SOX6: variants seen among roughly 807,000 people sequenced by gnomAD.
The protein encoded by SOX6 is SRY-box transcription factor 6.
SOX6 carries 11 observed loss-of-function variants against 97.8 expected under a neutral mutation model. That is an observed-to-expected ratio of 0.11 (90% CI 0.07 to 0.19). The LOEUF is 0.19. Among genes scored for constraint, SOX6 ranks in the 10% least tolerant of loss-of-function variants. The probability of loss-of-function intolerance (pLI) is 1.00; values close to 1 mark genes in which losing one functional copy is unlikely to be tolerated. For synonymous variants in SOX6, 360 were observed against 371.4 expected (o/e 0.97, Z 0.35); for missense variants, 810 against 1,039.5 (o/e 0.78, Z 3.04).
At chr11:16,410,207 C>T (rs1858775837) in intron 1 of SOX6, among the ~76,000 whole-genome samples, 1 of 152,006 alleles carries the variant, frequency 6.6e-6, no homozygotes, top group South Asian at 2.1e-4. Flanking sequence ...TACCCAAAAA[C>T]TAAATAAAGA....
chr11:16,408,558 C>G (rs2133052831), intron 1 of SOX6: 1 of 152,300 alleles, frequency 6.6e-6, no homozygotes, highest in Non-Finnish European at 1.5e-5. Context: ...AGTAAGCATA[C>G]TCTCTTAAAT....
chr11:15,978,680 G>A lies in SOX6; in HGVS notation c.2184-5568C>T, dbSNP rs1002654309. ...TAAATATTATCTATATGCTGACAAC[G>A]TCCCAATTTATATCTCCAGTAAGCC... On this transcript the variant is annotated intron_variant, in intron 15 of 15. Transcript: ENST00000683767. Among the ~76,000 whole-genome samples, 5 of 148,940 alleles carry A rather than the reference G, an allele frequency of 3.4e-5. 1 individual carries two copies. Among genetic ancestry groups the A allele is most frequent in the Admixed American group, 2.7e-4 (4 of 14,872 alleles).
At chr11:16,738,062 T>G (rs986165349) in intron 1 of SOX6, among the ~76,000 whole-genome samples, 7 of 151,962 alleles carry the variant, frequency 4.6e-5, no homozygotes, top group African/African-American at 1.7e-4. Context: ...TTCCCTCAGC[T>G]AAATCCCCGT....
At chr11:16,685,377 T>G (rs1049600512) in intron 3 of SOX6, among the ~76,000 whole-genome samples, 1 of 152,196 alleles carries the variant, frequency 6.6e-6, no homozygotes, top group East Asian at 1.9e-4. Flanking sequence ...ATACAAGTTA[T>G]TTACTACTAA....
At chr11:16,308,578 A>T (rs1414740541) in intron 3 of SOX6, among the ~76,000 whole-genome samples, 1 of 152,208 alleles carries the variant, frequency 6.6e-6, no homozygotes, top group Non-Finnish European at 1.5e-5. Context: ...CTGTTTGGCC[A>T]GAAAAATGTC....
intron 4 of SOX6, among the ~76,000 whole-genome samples, chr11:16,578,175 T>A (rs1848000620): frequency 6.6e-6 from 1 of 152,178 alleles, no homozygotes; most frequent in Admixed American, 6.6e-5. Context: ...AAAAGACTAT[T>A]ATTTTCCCAT....
chr11:16,631,170 T>C (rs1453295699), intron 3 of SOX6, among the ~76,000 whole-genome samples: 3 of 151,518 alleles, frequency 2.0e-5, no homozygotes, highest in Non-Finnish European at 4.4e-5. Context: ...GTGGTTGCTT[T>C]ATAAGGTCTT....
chr11:16,165,991 T>C (rs1184199776), intron 6 of SOX6, among the ~76,000 whole-genome samples: 1 of 152,112 alleles, frequency 6.6e-6, no homozygotes, highest in East Asian at 1.9e-4. Context: ...ATATAATAAG[T>C]ACTCAATATT....
chr11:16,616,716 T>C (rs1302388452), intron 3 of SOX6, among the ~76,000 whole-genome samples: 1 of 151,946 alleles, frequency 6.6e-6, no homozygotes, highest in Non-Finnish European at 1.5e-5. Context: ...TGTTCAATAT[T>C]TGATAATTCC....
chr11:16,504,529 A>C (rs1254089143), intron 4 of SOX6, among the ~76,000 whole-genome samples: 1 of 151,916 alleles, frequency 6.6e-6, no homozygotes, highest in Non-Finnish European at 1.5e-5. Context: ...TTAATCAAGG[A>C]TAAAGACCTC....
intron 3 of SOX6, among the ~76,000 whole-genome samples, chr11:16,673,531 C>A (rs752761862): frequency 5.3e-5 from 8 of 151,916 alleles, no homozygotes; most frequent in Non-Finnish European, 1.2e-4. Context: ...TTCCTAGACA[C>A]ATAAAACCTA....
chr11:16,190,642 G>A (rs1851604959), intron 4 of SOX6, among the ~76,000 whole-genome samples: 1 of 152,118 alleles, frequency 6.6e-6, no homozygotes, highest in Non-Finnish European at 1.5e-5. Flanking sequence ...AATGAAGTTG[G>A]AGTGAAGCAT....
intron 3 of SOX6, among the ~76,000 whole-genome samples, chr11:16,298,562 G>C (rs545976324): frequency 2.6e-5 from 4 of 152,088 alleles, no homozygotes; most frequent in African/African-American, 7.2e-5. Flanking sequence ...CAACTATCTG[G>C]TCATAGAAAC....
At chr11:16,673,913 G>A (rs1414397223) in intron 3 of SOX6, among the ~76,000 whole-genome samples, 2 of 152,086 alleles carry the variant, frequency 1.3e-5, no homozygotes, top group East Asian at 3.9e-4. Flanking sequence ...TCATCGGCTG[G>A]GCGTGGTGGC....
chr11:16,155,571 A>G (rs1361613481), intron 6 of SOX6, among the ~76,000 whole-genome samples: 1 of 152,180 alleles, frequency 6.6e-6, no homozygotes, highest in Non-Finnish European at 1.5e-5. Flanking sequence ...AGTGGCAAAC[A>G]GTATTATTGT....
intron 3 of SOX6, among the ~76,000 whole-genome samples, chr11:16,692,498 TC>T (rs1848023478): frequency 6.6e-6 from 1 of 152,142 alleles, no homozygotes; most frequent in Non-Finnish European, 1.5e-5. Flanking sequence ...CATTTGTCTC[TC>T]CCTGTAGAGG....
At chr11:16,184,317 T>A (rs927585476) in intron 5 of SOX6, among the ~76,000 whole-genome samples, 6 of 152,064 alleles carry the variant, frequency 3.9e-5, no homozygotes, top group African/African-American at 1.4e-4. Flanking sequence ...AAAAGTAAAA[T>A]CTGTAAGCAA....
chr11:16,239,916 A>G (rs572405255), intron 3 of SOX6, among the ~76,000 whole-genome samples: 2 of 152,222 alleles, frequency 1.3e-5, no homozygotes, highest in East Asian at 3.9e-4. Context: ...ATTTATGCCT[A>G]GCAATGAAAA....
intron 6 of SOX6, among the ~76,000 whole-genome samples, chr11:16,150,081 G>A (rs1340380898): frequency 6.6e-6 from 1 of 152,178 alleles, no homozygotes; most frequent in African/African-American, 2.4e-5. Flanking sequence ...TGTAACATAA[G>A]TATATTGAGG....
Sources: allele counts gnomAD v4.1 joint callset (sites outside exome capture counted in the v4.1 genomes callset), GRCh38; gene constraint gnomAD v4.1.1; transcripts MANE v1.5; gene names NCBI Gene and HGNC (gene_info 2026-07-23, HGNC 2026-07-21).